The following RAB18 variants were observed in gnomAD, a reference collection of about 807,000 sequenced individuals.
RAB18 encodes the protein RAB18, member RAS oncogene family.
Under a neutral mutation model 28.5 loss-of-function variants are expected in RAB18, and 10 were observed. The ratio of observed to expected loss-of-function variants is 0.35; its 90% CI spans 0.22 to 0.60. The LOEUF (loss-of-function observed/expected upper bound fraction) is 0.60. RAB18 is among the 20% of genes least tolerant of loss of function. The pLI is 0.78. For synonymous variants in RAB18, 93 were observed against 86.9 expected, an observed-to-expected ratio of 1.07 and a Z score of -0.39; for missense variants, 188 against 244.2, an observed-to-expected ratio of 0.77 and a Z score of 1.53.
intron 3 of RAB18, chr10:27,528,432 T>C: frequency 2.4e-6 from 1 of 425,062 alleles, no homozygotes; most frequent in Non-Finnish European, 4.6e-6. Flanking sequence ...TACATTTTAG[T>C]GAGCATTCTT....
chr10:27,507,669 A>G (rs943273895), intron 1 of RAB18, among the ~76,000 whole-genome samples: 2 of 151,256 alleles, frequency 1.3e-5, no homozygotes, highest in Non-Finnish European at 2.9e-5. Flanking sequence ...TACTCCTTCC[A>G]TCTCTACTTC....
Position 27,532,506 on chromosome 10 carries a change from G to A in RAB18, c.187-1G>A, listed in dbSNP as rs1336641028. On this transcript the variant is annotated splice_acceptor_variant, in intron 3 of 6. Transcript: ENST00000356940. LOFTEE classifies it high-confidence loss of function. Reference sequence around the variant, plus strand: ...AATTTAATAATAATGATCATTTTTAGGATACTGCTGGTCAAGAGAGGTTTA... The same window carrying A: ...AATTTAATAATAATGATCATTTTTAAGATACTGCTGGTCAAGAGAGGTTTA... The A allele has an allele frequency of 6.3e-7, 1 of 1,593,694 alleles. No homozygotes were observed. Among genetic ancestry groups the A allele is most frequent in the Non-Finnish European group, 8.6e-7 (1 of 1,163,044 alleles).
At position 27,538,686 on chromosome 10, in the gene RAB18, G is replaced by A. The variant is rs558244526; in HGVS notation, c.*635G>A. ...TTAATTTACTTCAATGATTAGCTCAGTTGCTTAACTGGAGTTTTAATCCTG... is the reference window on the plus strand; with the variant it reads ...TTAATTTACTTCAATGATTAGCTCAATTGCTTAACTGGAGTTTTAATCCTG... On this transcript the variant is annotated 3_prime_UTR_variant, in exon 7 of 7. Coordinates refer to ENST00000356940, the MANE Select transcript of RAB18 (RefSeq NM_021252.5). 1,070 of 454,134 alleles carry A rather than the reference G, an allele frequency of 2.4e-3. 3 individuals carry two copies. The highest frequency in any genetic ancestry group is 3.4e-3 in the Non-Finnish European group (764 of 226,740). The allele number at this position is 454,134 out of a possible 1,614,324, so 28.1% of individuals were successfully genotyped here.
chr10:27,531,541 C>G lies in RAB18; in HGVS notation c.187-966C>G, dbSNP rs1416975761. 3 of 1,482,266 alleles carry G rather than the reference C, an allele frequency of 2.0e-6. No individual in the cohort carries two copies. The African/African-American group carries it at 4.2e-5, about 21-fold the overall frequency. The allele number at this position is 1,482,266 out of a possible 1,614,324, so 91.8% of individuals were successfully genotyped here. A position where few individuals can be genotyped will look rare whatever the true frequency, so the allele number is the denominator to read the frequency against. On this transcript the variant is annotated intron_variant, in intron 3 of 6. Transcript: ENST00000356940. ...TACTTTTCTTTAGGTTACTTTGCAT[C>G]AGCAGACTGCAAACTTTTTCTTAAA...
chr10:27,524,385 T>TGAAGA (rs1834631715), intron 2 of RAB18, among the ~76,000 whole-genome samples: 2 of 152,344 alleles, frequency 1.3e-5, no homozygotes, highest in Non-Finnish European at 2.9e-5. Flanking sequence ...TGCTTCTGCT[T>TGAAGA]CCATTAATAT....
chr10:27,504,355 C>G lies in RAB18; in HGVS notation c.-15C>G, dbSNP rs560237665. 1.9e-6 allele frequency: 3 copies of G among 1,570,554 alleles called. No individual in the cohort carries two copies. The highest frequency in any genetic ancestry group is 1.7e-6 in the Non-Finnish European group (2 of 1,158,562). ...CCCGGGCGGCCAGCTGGGCTCGGAG[C>G]GGAACGGGGTCAGGATGGACGAGGA... On this transcript the variant is annotated 5_prime_UTR_variant, in exon 1 of 7. Transcript: ENST00000356940.
intron 2 of RAB18, among the ~76,000 whole-genome samples, chr10:27,525,929 T>G (rs888658314): frequency 5.3e-5 from 8 of 152,228 alleles, no homozygotes; most frequent in Non-Finnish European, 1.5e-5. Flanking sequence ...GCTAATAAGA[T>G]ATTTTGAAAG....
Position 27,539,562 on chromosome 10 carries a change from A to G in RAB18, c.*1511A>G. On this transcript the variant is annotated 3_prime_UTR_variant, in exon 7 of 7. Transcript: ENST00000356940. ...ACAAGATTTACTACTAGAAATTTGGAGAAAGAACACTAACACATGTACTTG... is the reference window on the plus strand; with the variant it reads ...ACAAGATTTACTACTAGAAATTTGGGGAAAGAACACTAACACATGTACTTG... 2.4e-6 allele frequency: 1 copy of G among 415,402 alleles called. No individual in the cohort carries two copies. Among genetic ancestry groups the G allele is most frequent in the Non-Finnish European group, 4.7e-6 (1 of 212,786 alleles). 25.7% of individuals were successfully genotyped at this position (415,402 alleles called of 1,614,324 possible). A position where few individuals can be genotyped will look rare whatever the true frequency, so the allele number is the denominator to read the frequency against.
chr10:27,534,176 G>C (rs1254186793), intron 6 of RAB18, among the ~76,000 whole-genome samples, 182 bp downstream of exon 6: 1 of 152,112 alleles, frequency 6.6e-6, no homozygotes, highest in African/African-American at 2.4e-5. Context: ...TAAAATGTAT[G>C]ATCATATTAT....
chr10:27,523,265 C>CTTTTTTTTTTTTTTTTTTT (rs34006982), intron 2 of RAB18, among the ~76,000 whole-genome samples: 1 of 79,544 alleles, frequency 1.3e-5, no homozygotes, highest in Non-Finnish European at 2.4e-5. Context: ...TTTTCTTCTT[C>CTTTTTTTTTTTTTTTTTTT]TTTTTTTTTT....
chr10:27,504,496 G>A, intron 1 of RAB18, 59 bp downstream of exon 1: 1 of 1,526,430 alleles, frequency 6.6e-7, no homozygotes, highest in Non-Finnish European at 8.9e-7. Flanking sequence ...CCCGGTGGCT[G>A]CTGTCTCCTG....
chr10:27,541,684 G>T lies in RAB18; in HGVS notation c.*3633G>T. On this transcript the variant is annotated 3_prime_UTR_variant, in exon 7 of 7. Transcript: ENST00000356940. ...AACCGGAGAAGCAACAAATTACGTA[G>T]TTTTTTTTGTGTTTCTTTGATTACT... 2.2e-6 allele frequency: 1 copy of T among 445,340 alleles called. No individual in the cohort carries two copies. The highest frequency in any genetic ancestry group is 4.5e-6 in the Non-Finnish European group (1 of 224,664). 27.6% of individuals were successfully genotyped at this position (445,340 alleles called of 1,614,324 possible). A position where few individuals can be genotyped will look rare whatever the true frequency, so the allele number is the denominator to read the frequency against.
In RAB18 at chr10:27,524,091, A is replaced by T. The variant is rs4747598; in HGVS notation, c.125-2737A>T. Among the ~76,000 whole-genome samples, 5 of 152,160 alleles carry T rather than the reference A, an allele frequency of 3.3e-5. No individual in the cohort carries two copies. The East Asian group carries it at 9.8e-4, about 30-fold the overall frequency. ...CAAGACTCCGTCTCAAAAAAAAAAT[A>T]AAAATAAAAATTTATTTTTGTCAAG... is the stretch of plus-strand genomic sequence containing the variant. On this transcript the variant is annotated intron_variant, in intron 2 of 6. Transcript: ENST00000356940.
At chr10:27,533,636 C>G in intron 4 of RAB18, 99 bp from the exon 5 acceptor site, 1 of 1,412,198 alleles carries the variant, frequency 7.1e-7, no homozygotes, top group Non-Finnish European at 9.8e-7. Context: ...AAAGACTTGT[C>G]TATATTGCTT....
chr10:27,532,362 A>G (rs1834805210), intron 3 of RAB18, 145 bp from the exon 4 acceptor site: 1 of 586,800 alleles, frequency 1.7e-6, no homozygotes, highest in Non-Finnish European at 3.0e-6. Context: ...CAGTAAGCGA[A>G]CACATCTTAT....
rs373400981 is a variant in RAB18 at position 27,539,523 on chromosome 10, CT to C, written c.*1476del. ...TTGAAGGTTTTATACATTCTATATG[CT>C]TTTACTAAATATACAAGATTTACTA... On this transcript the variant is annotated 3_prime_UTR_variant, in exon 7 of 7. Coordinates refer to ENST00000356940, the MANE Select transcript of RAB18 (RefSeq NM_021252.5). 2.4e-4 allele frequency: 92 copies of C among 380,734 alleles called. No homozygotes were observed. In the East Asian group the frequency reaches 5.6e-3, roughly 23 times the overall value. 23.6% of individuals were successfully genotyped at this position (380,734 alleles called of 1,614,324 possible). A position where few individuals can be genotyped will look rare whatever the true frequency, so the allele number is the denominator to read the frequency against.
intron 2 of RAB18, among the ~76,000 whole-genome samples, chr10:27,512,517 C>G (rs1834344977): frequency 6.6e-6 from 1 of 152,032 alleles, no homozygotes; most frequent in Non-Finnish European, 1.5e-5. Flanking sequence ...GTTGGCCAGT[C>G]TGGTCTTGAA....
chr10:27,540,092 A>G lies in RAB18; in HGVS notation c.*2041A>G, dbSNP rs1031464133. On this transcript the variant is annotated 3_prime_UTR_variant, in exon 7 of 7. Transcript: ENST00000356940. ...GATGGTACAAATTAGAACAATTAGA[A>G]TATAGTATTTTGAGTTCTAGTAGTA... 6.6e-6 allele frequency: 3 copies of G among 453,890 alleles called. No individual in the cohort carries two copies. The highest frequency in any genetic ancestry group is 6.0e-5 in the African/African-American group (3 of 50,000). The allele number at this position is 453,890 out of a possible 1,614,324, so 28.1% of individuals were successfully genotyped here. A position where few individuals can be genotyped will look rare whatever the true frequency, so the allele number is the denominator to read the frequency against.
chr10:27,528,599 A>G (rs1477158668), intron 3 of RAB18, among the ~76,000 whole-genome samples: 1 of 152,088 alleles, frequency 6.6e-6, no homozygotes. Flanking sequence ...ATCCGTTTAG[A>G]TGGCCAGCTA....
Sources: gnomAD v4.1 joint callset for allele counts (sites outside exome capture counted in the v4.1 genomes callset) on GRCh38, gnomAD v4.1.1 for gene constraint, MANE v1.5 for transcripts, NCBI Gene and HGNC (gene_info 2026-07-23, HGNC 2026-07-21) for gene names.